The following ARVCF variants were observed in gnomAD, a reference collection of about 807,000 sequenced individuals.
ARVCF encodes ARVCF delta catenin family member.
ARVCF carries 66 observed loss-of-function variants against 90.9 expected under a neutral mutation model. The ratio of observed to expected loss-of-function variants is 0.73; its 90% CI spans 0.60 to 0.89. The LOEUF (loss-of-function observed/expected upper bound fraction) is 0.89. ARVCF is among the 40% of genes least tolerant of loss of function. The pLI is 0.00. For synonymous variants in ARVCF, 653 were observed against 603.4 expected (o/e 1.08, Z -1.21); for missense variants, 1,469 against 1,382.3 (o/e 1.06, Z -1.00).
chr22:20,001,088 C>T lies in ARVCF; in HGVS notation c.-19+9367G>A, dbSNP rs371908726. Reference sequence around the variant, plus strand: ...TGCTGCTTATCCCACCTAGAAGTCCCGACAGGCCCTTTGGGGGGTGGGGGA... The same window carrying T: ...TGCTGCTTATCCCACCTAGAAGTCCTGACAGGCCCTTTGGGGGGTGGGGGA... On this transcript the variant is annotated intron_variant, in intron 2 of 19. Coordinates refer to ENST00000263207, the MANE Select transcript of ARVCF (RefSeq NM_001670.3). Among the ~76,000 whole-genome samples the T allele has an allele frequency of 9.2e-5, 14 of 152,296 alleles. No homozygotes were observed. The East Asian group carries it at 1.5e-3, about 17-fold the overall frequency.
At chr22:19,989,314 C>T (rs754277998) in intron 3 of ARVCF, among the ~76,000 whole-genome samples, 11 of 152,186 alleles carry the variant, frequency 7.2e-5, no homozygotes, top group Admixed American at 2.6e-4. Context: ...TGACTCTCAC[C>T]ATGCACTGGT....
intron 3 of ARVCF, chr22:19,987,199 T>TC: frequency 2.7e-6 from 1 of 369,336 alleles, no homozygotes; most frequent in Non-Finnish European, 4.8e-6. Context: ...GCGGACTCGC[T>TC]CCCCGCGGGG....
rs370208192 is a variant in ARVCF at position 19,984,409 on chromosome 22, G to A, written c.211-2318C>T. Among the ~76,000 whole-genome samples, 125 of 152,196 alleles carry A rather than the reference G, an allele frequency of 8.2e-4. 1 individual carries two copies. In the South Asian group the frequency reaches 0.025, roughly 31 times the overall value. ...CCCTGCGGCACCACCCATCAGCCCC[G>A]GCCTAGCAGCCCCGCAGTAGGATCC... On this transcript the variant is annotated intron_variant, in intron 3 of 19. Coordinates refer to ENST00000263207, the MANE Select transcript of ARVCF (RefSeq NM_001670.3).
At chr22:19,986,789 C>T (rs2146353968) in intron 3 of ARVCF, 2 of 385,982 alleles carry the variant, frequency 5.2e-6, no homozygotes, top group East Asian at 8.4e-5. Flanking sequence ...CGGGCCGGTG[C>T]CAAGAGGAGG....
intron 3 of ARVCF, among the ~76,000 whole-genome samples, chr22:19,989,528 G>A (rs373013811): frequency 5.9e-5 from 9 of 152,220 alleles, no homozygotes; most frequent in South Asian, 2.1e-4. Flanking sequence ...AGAGACCAGC[G>A]TTTGCTCCCT....
chr22:20,006,534 G>C lies in ARVCF; in HGVS notation c.-19+3921C>G, dbSNP rs757658293. Among the ~76,000 whole-genome samples, 252 of 146,396 alleles carry C rather than the reference G, an allele frequency of 1.7e-3. 2 individuals carry two copies. The highest frequency in any genetic ancestry group is 3.3e-3 in the Non-Finnish European group (218 of 66,590). ...GCGGAGCTTGCAGTGAGCCGAGATC[G>C]CGCCACTGCACTCCAGCCTGGGCGG... On this transcript the variant is annotated intron_variant, in intron 2 of 19. Coordinates refer to ENST00000263207, the MANE Select transcript of ARVCF (RefSeq NM_001670.3).
At chr22:19,983,060 A>G (rs2238782) in intron 3 of ARVCF, among the ~76,000 whole-genome samples, 63,305 of 152,164 alleles carry the variant, frequency 0.42, 13,882 homozygotes, top group African/African-American at 0.55. Flanking sequence ...TTGAGGACCT[A>G]AGACTCACAG....
In ARVCF at chr22:19,979,958, C is replaced by A; in HGVS notation, c.1181G>T (p.Arg394Leu). 6.3e-7 allele frequency: 1 copy of A among 1,595,678 alleles called. No homozygotes were observed. Among genetic ancestry groups the A allele is most frequent in the South Asian group, 1.1e-5 (1 of 88,892 alleles). The change falls in exon 6 of 20, where the codon CGG (arginine) becomes CTG (leucine). Residue 394 changes from arginine to leucine, a missense_variant. Coordinates refer to ENST00000263207, the MANE Select transcript of ARVCF (RefSeq NM_001670.3). ...HLCFENEGVK[R>L]RVRQLRGLPL... Reference sequence around the variant, plus strand: ...CAGCCCCCGCAACTGCCGTACACGCCGCTTGACACCCTCGTTCTCAAAGCA... The same window carrying A: ...CAGCCCCCGCAACTGCCGTACACGCAGCTTGACACCCTCGTTCTCAAAGCA...
intron 3 of ARVCF, among the ~76,000 whole-genome samples, chr22:19,986,162 T>C (rs1022817452): frequency 9.2e-5 from 14 of 152,140 alleles, no homozygotes; most frequent in Admixed American, 6.5e-5. Flanking sequence ...CACCTCAGCT[T>C]CCCCAAGCTC....
At chr22:19,996,750 C>T (rs1174577826) in intron 2 of ARVCF, among the ~76,000 whole-genome samples, 1 of 152,228 alleles carries the variant, frequency 6.6e-6, no homozygotes, top group Non-Finnish European at 1.5e-5. Context: ...CCCCACCAGG[C>T]AGGCGAGTGA....
Position 19,981,499 on chromosome 22 carries a change from C to A in ARVCF, c.608G>T (p.Ser203Ile). 1 of 1,557,324 alleles carries A rather than the reference C, an allele frequency of 6.4e-7. No homozygotes were observed. The change falls in exon 5 of 20, where the codon AGC (serine) becomes ATC (isoleucine). Residue 203 changes from serine (S) to isoleucine (I), a missense_variant. Transcript: ENST00000263207. ...CCGCATGCCCAGCCCTCGGGACAGG[C>A]TGCCATAGCTGGGGCTGTCCCGGGG... is the stretch of plus-strand genomic sequence containing the variant. ...PEPRDSPSYGSLSRGLGMRPP... is the reference protein window; with the variant it reads ...PEPRDSPSYGILSRGLGMRPP...
rs939304194 is a variant in ARVCF, at chr22:20,001,627, A to C, written c.-19+8828T>G. ...GAGACCTGCCTGACCAACATGGAGAAACCCCATCTCTACTAAAGATACAAA... is the reference window on the plus strand; with the variant it reads ...GAGACCTGCCTGACCAACATGGAGACACCCCATCTCTACTAAAGATACAAA... On this transcript the variant is annotated intron_variant, in intron 2 of 19. Transcript: ENST00000263207. 2.6e-5 allele frequency among the ~76,000 whole-genome samples: 4 copies of C among 152,220 alleles called. No homozygotes were observed. In the South Asian group the frequency reaches 8.3e-4, roughly 32 times the overall value.
chr22:20,007,109 C>G (rs928169133), intron 2 of ARVCF, among the ~76,000 whole-genome samples: 4 of 148,250 alleles, frequency 2.7e-5, no homozygotes, highest in African/African-American at 1.0e-4. Flanking sequence ...CAAAAATTAG[C>G]CAGGCATGGC....
At position 19,970,409 on chromosome 22, in the gene ARVCF, C is replaced by T. The variant is rs1164124993; in HGVS notation, c.*347G>A. 1.9e-6 allele frequency: 2 copies of T among 1,050,600 alleles called. No individual in the cohort carries two copies. The highest frequency in any genetic ancestry group is 4.7e-4 in the Middle Eastern group (1 of 2,110). The allele number at this position is 1,050,600 out of a possible 1,614,324, so 65.1% of individuals were successfully genotyped here. ...TGGGGCACTGTGTTCCCAGGGGCAC[C>T]CTCCTATCCCACCAGCCCCAAAGCC... On this transcript the variant is annotated 3_prime_UTR_variant, in exon 20 of 20. Transcript: ENST00000263207.
chr22:19,974,505 G>A (rs189622907), intron 11 of ARVCF, among the ~76,000 whole-genome samples: 4 of 152,266 alleles, frequency 2.6e-5, no homozygotes, highest in African/African-American at 4.8e-5. Flanking sequence ...GGGGAGGGAG[G>A]TGTCAACCAG....
chr22:19,999,382 T>C (rs1001510393), intron 2 of ARVCF, among the ~76,000 whole-genome samples: 3 of 152,160 alleles, frequency 2.0e-5, no homozygotes, highest in Non-Finnish European at 4.4e-5. Flanking sequence ...ATCCATCCTT[T>C]TGTAGGCAAA....
rs376063274 is a variant in ARVCF, at chr22:19,974,103, G to C, written c.2088+9C>G. ...GGACTTGCCCACCCTGCCCGACCTG[G>C]TCCCTCACCATCCAGTTGCCGGCAC... On this transcript the variant is annotated intron_variant, in intron 12 of 19. Transcript: ENST00000263207. 8 of 1,604,586 alleles carry C rather than the reference G, an allele frequency of 5.0e-6. No individual in the cohort carries two copies. Among genetic ancestry groups the C allele is most frequent in the African/African-American group, 4.0e-5 (3 of 74,788 alleles).
chr22:19,987,122 G>A (rs1164795167), intron 3 of ARVCF: 4 of 521,408 alleles, frequency 7.7e-6, no homozygotes, highest in Non-Finnish European at 1.4e-5. Flanking sequence ...GCGCTGGCCA[G>A]CAGCGGGGGA....
Position 19,973,797 on chromosome 22 carries a change from C to T in ARVCF, c.2089-4G>A, listed in dbSNP as rs1209687367. On this transcript the variant is annotated splice_region_variant and splice_polypyrimidine_tract_variant and intron_variant, in intron 12 of 19. Transcript: ENST00000263207. ...TGGCGCGGATGTACGTGGCCCACTG[C>T]GGAGGCGGGGAGAGGGTTGCTCAGA... The T allele has an allele frequency of 4.4e-6, 7 of 1,601,978 alleles. No homozygotes were observed. Among genetic ancestry groups the T allele is most frequent in the South Asian group, 2.2e-5 (2 of 90,920 alleles).
Sources: allele counts gnomAD v4.1 joint callset (sites outside exome capture counted in the v4.1 genomes callset), GRCh38; gene constraint gnomAD v4.1.1; transcripts MANE v1.5; gene names NCBI Gene and HGNC (gene_info 2026-07-23, HGNC 2026-07-21).